Variants in ADARB2 observed in about 807,000 individuals in gnomAD.
ADARB2 encodes the protein inactive double-stranded RNA-specific editase B2.
Under a neutral mutation model 62.2 loss-of-function variants are expected in ADARB2, and 25 were observed. The observed-to-expected ratio is 0.40, with a 90% CI of 0.29 to 0.56. ADARB2 has a LOEUF of 0.56. Ranked by LOEUF, ADARB2 falls within the 20% of genes least tolerant of loss-of-function variation. The pLI is 0.43. For synonymous variants in ADARB2, 572 were observed against 500.8 expected, an observed-to-expected ratio of 1.14 and a Z score of -1.90; for missense variants, 1,071 against 1,077.4, an observed-to-expected ratio of 0.99 and a Z score of 0.08.
chr10:1,506,381 G>A (rs1021020773), intron 1 of ADARB2, among the ~76,000 whole-genome samples: 5 of 152,182 alleles, frequency 3.3e-5, no homozygotes, highest in African/African-American at 4.8e-5. Flanking sequence ...AAAGTCCCAG[G>A]TCTAGCAGGA....
chr10:1,551,860 C>T (rs10903482), intron 1 of ADARB2, among the ~76,000 whole-genome samples: 47,745 of 152,142 alleles, frequency 0.31, 8,415 homozygotes, highest in East Asian at 0.6. Context: ...GAGGGCTGAG[C>T]TGGGCTTGTC....
intron 1 of ADARB2, among the ~76,000 whole-genome samples, chr10:1,520,142 T>C (rs1385684944): frequency 3.9e-5 from 6 of 152,232 alleles, no homozygotes; most frequent in Non-Finnish European, 5.9e-5. Flanking sequence ...AGTGTATCCA[T>C]ACACAGGAGC....
At chr10:1,535,191 G>A (rs1832313011) in intron 1 of ADARB2, among the ~76,000 whole-genome samples, 1 of 152,136 alleles carries the variant, frequency 6.6e-6, no homozygotes, top group Non-Finnish European at 1.5e-5. Flanking sequence ...GCGTGTGCTG[G>A]GATTCTGCTC....
At chr10:1,223,925 A>C (rs1218309443) in intron 6 of ADARB2, among the ~76,000 whole-genome samples, 1 of 152,198 alleles carries the variant, frequency 6.6e-6, no homozygotes, top group East Asian at 1.9e-4. Context: ...TTTCAGGATG[A>C]TGCTGGCCTC....
rs143736259 is a variant in ADARB2, at chr10:1,534,042, G to GGA, written c.101-154884_101-154883dup. 5.1e-3 allele frequency among the ~76,000 whole-genome samples: 760 copies of GGA among 148,138 alleles called. 3 individuals carry two copies. Among genetic ancestry groups the GGA allele is most frequent in the African/African-American group, 0.014 (572 of 40,102 alleles). ...TGACTTTGATGGGGGAGGGAGGGAG[G>GGA]GAGAGAGAGAGAGAGAGAGAGATTG... On this transcript the variant is annotated intron_variant, in intron 1 of 9. Coordinates refer to ENST00000381312, the MANE Select transcript of ADARB2 (RefSeq NM_018702.4).
chr10:1,729,978 C>T (rs138254164), intron 1 of ADARB2, among the ~76,000 whole-genome samples: 1 of 152,160 alleles, frequency 6.6e-6, no homozygotes, highest in Non-Finnish European at 1.5e-5. Flanking sequence ...TTAATTAAAT[C>T]GATAAATTCT....
At chr10:1,274,173 C>T (rs1564243447) in intron 3 of ADARB2, among the ~76,000 whole-genome samples, 1 of 152,250 alleles carries the variant, frequency 6.6e-6, no homozygotes, top group African/African-American at 2.4e-5. Flanking sequence ...CATGGGCAGG[C>T]GAGGGCAGCA....
intron 1 of ADARB2, among the ~76,000 whole-genome samples, chr10:1,410,171 C>T (rs1267009224): frequency 2.8e-4 from 37 of 134,056 alleles, no homozygotes; most frequent in African/African-American, 9.5e-4. Context: ...GTCATGGTGC[C>T]GAGGCCTGGT....
chr10:1,498,125 C>T (rs1831715078), intron 1 of ADARB2, among the ~76,000 whole-genome samples: 1 of 152,092 alleles, frequency 6.6e-6, no homozygotes, highest in Admixed American at 6.6e-5. Flanking sequence ...GTAATCCCGG[C>T]ACTTTGGGAG....
intron 1 of ADARB2, among the ~76,000 whole-genome samples, chr10:1,448,631 T>C (rs1161342074): frequency 6.6e-6 from 1 of 152,218 alleles, no homozygotes; most frequent in Non-Finnish European, 1.5e-5. Context: ...TAGCTTCTTA[T>C]GTTAACATCT....
intron 1 of ADARB2, among the ~76,000 whole-genome samples, chr10:1,585,953 G>A (rs1307915773): frequency 1.3e-5 from 2 of 152,194 alleles, no homozygotes; most frequent in African/African-American, 4.8e-5. Flanking sequence ...AGAATGGTGT[G>A]AACCTGGGAG....
rs377544433 is a variant in ADARB2, at chr10:1,271,030, A to C, written c.1117T>G (p.Phe373Val). 6.2e-7 allele frequency: 1 copy of C among 1,614,044 alleles called. No homozygotes were observed. The change falls in exon 4 of 10, where the codon TTC (phenylalanine) becomes GTC (valine). Residue 373 changes from phenylalanine (F) to valine (V), a missense_variant. By Grantham distance (50) the Phe-to-Val change is conservative. Transcript: ENST00000381312. ...GTGAGGTCCGTCGTCACCTCGCGGA[A>C]CTTCTGTGTGACCAGCTGGGATATG... is the stretch of plus-strand genomic sequence containing the variant. ...DSISQLVTQKFREVTTDLTPM... is the reference protein window; with the variant it reads ...DSISQLVTQKVREVTTDLTPM...
intron 1 of ADARB2, among the ~76,000 whole-genome samples, chr10:1,567,889 C>A (rs954910148): frequency 2.0e-5 from 3 of 152,212 alleles, no homozygotes; most frequent in Non-Finnish European, 4.4e-5. Context: ...GGCCCGGGAT[C>A]TGATCCTGAC....
rs116211655 is a variant in ADARB2 at position 1,451,320 on chromosome 10, G to C, written c.101-72160C>G. ...ACACAGGAGCGGTGTTTATCCTCTG[G>C]AGGGAGCAAACAGTGGAGTGTGCAC... On this transcript the variant is annotated intron_variant, in intron 1 of 9. Coordinates refer to ENST00000381312, the MANE Select transcript of ADARB2 (RefSeq NM_018702.4). 8.4e-3 allele frequency among the ~76,000 whole-genome samples: 1,283 copies of C among 152,326 alleles called. 18 individuals are homozygous for C. The highest frequency in any genetic ancestry group is 0.029 in the African/African-American group (1,214 of 41,564).
chr10:1,439,037 A>G lies in ADARB2; in HGVS notation c.101-59877T>C, dbSNP rs1327099769. Among the ~76,000 whole-genome samples the G allele has an allele frequency of 8.7e-4, 77 of 88,418 alleles. 1 individual carries two copies. The highest frequency in any genetic ancestry group is 1.1e-3 in the Non-Finnish European group (50 of 43,820). 58.0% of individuals were successfully genotyped at this position (88,418 alleles called of 152,430 possible). Reference sequence around the variant, plus strand: ...CAGGTTCTTCACTATGGGGCTCCTGAGTCTCTGCCAGGATGGAGGCAGGCC... The same window carrying G: ...CAGGTTCTTCACTATGGGGCTCCTGGGTCTCTGCCAGGATGGAGGCAGGCC... On this transcript the variant is annotated intron_variant, in intron 1 of 9. Transcript: ENST00000381312.
chr10:1,379,253 G>T, intron 1 of ADARB2, 93 bp from the exon 2 acceptor site: 1 of 1,050,330 alleles, frequency 9.5e-7, no homozygotes, highest in Non-Finnish European at 1.5e-6. Context: ...TGTTGGACAA[G>T]GGAGGTGGAG....
rs187933150 is a variant in ADARB2 at position 1,705,948 on chromosome 10, T to C, written c.100+31103A>G. Among the ~76,000 whole-genome samples, 845 of 152,346 alleles carry C rather than the reference T, an allele frequency of 5.5e-3. 4 individuals carry two copies. The highest frequency in any genetic ancestry group is 7.4e-3 in the Non-Finnish European group (506 of 68,038). ...CAAAACACTTCACGGTGAATTACAG[T>C]GGTTTAATGCCTTATTTTAAATTTA... On this transcript the variant is annotated intron_variant, in intron 1 of 9. Coordinates refer to ENST00000381312, the MANE Select transcript of ADARB2 (RefSeq NM_018702.4).
intron 1 of ADARB2, among the ~76,000 whole-genome samples, chr10:1,450,370 G>T (rs531543783): frequency 6.6e-6 from 1 of 152,208 alleles, no homozygotes; most frequent in African/African-American, 2.4e-5. Flanking sequence ...TTCTTTAGCC[G>T]CTGTGGCTGC....
intron 1 of ADARB2, among the ~76,000 whole-genome samples, chr10:1,416,472 T>TGA (rs1832803043): frequency 6.6e-6 from 1 of 152,068 alleles, no homozygotes; most frequent in African/African-American, 2.4e-5. Flanking sequence ...CCCAGAGGAG[T>TGA]GAGCGCCTGG....
Sources: gnomAD v4.1 joint callset for allele counts (sites outside exome capture counted in the v4.1 genomes callset) on GRCh38, gnomAD v4.1.1 for gene constraint, MANE v1.5 for transcripts, NCBI Gene and HGNC (gene_info 2026-07-23, HGNC 2026-07-21) for gene names.